Variants in MYOZ2 observed in about 807,000 individuals in gnomAD.
MYOZ2 encodes myozenin 2.
In MYOZ2, 19 loss-of-function variants were observed where a neutral mutation model predicts 25.4. That is an observed-to-expected ratio of 0.75 (90% CI 0.52 to 1.10). The LOEUF is 1.10. Among genes scored for constraint, MYOZ2 ranks in the 50% least tolerant of loss-of-function variants. MYOZ2 has a pLI of 0.00. For missense variants in MYOZ2, 270 were observed against 317.9 expected, an observed-to-expected ratio of 0.85 and a Z score of 1.15; for synonymous variants, 92 against 106.9, an observed-to-expected ratio of 0.86 and a Z score of 0.86.
At chr4:119,172,969 A>C (rs1023708713) in intron 5 of MYOZ2, among the ~76,000 whole-genome samples, 1 of 152,216 alleles carries the variant, frequency 6.6e-6, no homozygotes, top group African/African-American at 2.4e-5. Flanking sequence ...TTAACCTCTT[A>C]TCTTAATTTC....
At chr4:119,169,139 C>T (rs1741895238) in intron 5 of MYOZ2, among the ~76,000 whole-genome samples, 1 of 152,294 alleles carries the variant, frequency 6.6e-6, no homozygotes, top group South Asian at 2.1e-4. Context: ...TGACCATTAG[C>T]ATTTATTAGC....
intron 2 of MYOZ2, among the ~76,000 whole-genome samples, 161 bp downstream of exon 2, chr4:119,136,762 A>G (rs554681481): frequency 3.3e-5 from 5 of 152,242 alleles, no homozygotes; most frequent in African/African-American, 1.2e-4. Flanking sequence ...ATGGTAACTA[A>G]TCCTTTTGTA....
intron 3 of MYOZ2, among the ~76,000 whole-genome samples, chr4:119,155,899 T>C (rs184864289): frequency 1.8e-4 from 27 of 152,112 alleles, no homozygotes; most frequent in Admixed American, 1.6e-3. Context: ...TTTTAAAAAA[T>C]GTCATAGTGA....
chr4:119,164,911 C>T (rs1206867747), intron 5 of MYOZ2, among the ~76,000 whole-genome samples: 1 of 151,944 alleles, frequency 6.6e-6, no homozygotes, highest in Admixed American at 6.6e-5. Flanking sequence ...TCAAAAATAT[C>T]ACCAAATGAT....
intron 4 of MYOZ2, among the ~76,000 whole-genome samples, chr4:119,159,228 G>A (rs774631805): frequency 2.6e-5 from 4 of 152,050 alleles, no homozygotes. Context: ...CCAGGAGCTC[G>A]AGACCAGCCT....
At chr4:119,168,401 C>A (rs1741872462) in intron 5 of MYOZ2, among the ~76,000 whole-genome samples, 1 of 152,122 alleles carries the variant, frequency 6.6e-6, no homozygotes, top group South Asian at 2.1e-4. Flanking sequence ...GAAAGGGATT[C>A]CTCTGATTGA....
chr4:119,147,445 A>G (rs949812884), intron 2 of MYOZ2, among the ~76,000 whole-genome samples: 19 of 152,088 alleles, frequency 1.2e-4, no homozygotes, highest in African/African-American at 4.6e-4. Context: ...AGTATAGAAA[A>G]TTTATCTACT....
chr4:119,157,926 A>G (rs1174254624), intron 3 of MYOZ2, 96 bp from the exon 4 acceptor site: 2 of 1,459,534 alleles, frequency 1.4e-6, no homozygotes, highest in African/African-American at 2.8e-5. Flanking sequence ...TTGCATTTAA[A>G]TTATAAATAT....
intron 2 of MYOZ2, among the ~76,000 whole-genome samples, chr4:119,137,563 C>G (rs1022299298): frequency 3.9e-5 from 6 of 152,120 alleles, no homozygotes; most frequent in Admixed American, 1.3e-4. Context: ...ATTACACCTT[C>G]CATAAAGCAA....
At chr4:119,159,619 T>C (rs896497665) in intron 4 of MYOZ2, among the ~76,000 whole-genome samples, 1 of 152,174 alleles carries the variant, frequency 6.6e-6, no homozygotes, top group Non-Finnish European at 1.5e-5. Context: ...AAAATAGTTA[T>C]ATCTTGAAAC....
At chr4:119,166,025 CTGTGTGTGTGTGCG>C (rs1372056976) in intron 5 of MYOZ2, among the ~76,000 whole-genome samples, 8 of 150,166 alleles carry the variant, frequency 5.3e-5, no homozygotes, top group Non-Finnish European at 1.2e-4. Flanking sequence ...ATATTACATG[CTGTGTGTGTGTGCG>C]TGTGTGTGTG....
intron 2 of MYOZ2, among the ~76,000 whole-genome samples, chr4:119,141,436 G>T (rs577889377): frequency 6.6e-6 from 1 of 152,214 alleles, no homozygotes; most frequent in African/African-American, 2.4e-5. Flanking sequence ...AGGCTGGAGT[G>T]CAGTGGTGCA....
intron 2 of MYOZ2, among the ~76,000 whole-genome samples, chr4:119,147,323 T>A (rs1269172133): frequency 6.6e-6 from 1 of 152,072 alleles, no homozygotes; most frequent in Non-Finnish European, 1.5e-5. Context: ...TTCATTTTGG[T>A]ATAGTGTTTT....
At chr4:119,136,648 G>T (rs1481484263) in intron 2 of MYOZ2, 47 bp downstream of exon 2, 1 of 1,551,232 alleles carries the variant, frequency 6.4e-7, no homozygotes, top group African/African-American at 1.4e-5. Context: ...CAGCATGAAT[G>T]TGGCTCCATC....
chr4:119,180,045 T>C (rs1429444439), intron 5 of MYOZ2, among the ~76,000 whole-genome samples: 1 of 152,254 alleles, frequency 6.6e-6, no homozygotes, highest in Non-Finnish European at 1.5e-5. Flanking sequence ...TAGGCACACA[T>C]TAAATATGTA....
At chr4:119,140,967 A>G (rs1741147987) in intron 2 of MYOZ2, among the ~76,000 whole-genome samples, 1 of 152,256 alleles carries the variant, frequency 6.6e-6, no homozygotes, top group Non-Finnish European at 1.5e-5. Context: ...AGAGATAATT[A>G]TCACAGAACT....
At chr4:119,181,198 A>G (rs1578372025) in intron 5 of MYOZ2, among the ~76,000 whole-genome samples, 5 of 152,284 alleles carry the variant, frequency 3.3e-5, no homozygotes, top group Admixed American at 3.3e-4. Flanking sequence ...AAACATTAAA[A>G]TTCTGACAAG....
chr4:119,140,506 G>C (rs1240365981), intron 2 of MYOZ2, among the ~76,000 whole-genome samples: 2 of 152,124 alleles, frequency 1.3e-5, no homozygotes, highest in African/African-American at 4.8e-5. Context: ...AGCTAGAAAG[G>C]TTTGCATGTT....
chr4:119,174,492 G>T (rs1451715028), intron 5 of MYOZ2, among the ~76,000 whole-genome samples: 1 of 151,912 alleles, frequency 6.6e-6, no homozygotes, highest in Non-Finnish European at 1.5e-5. Context: ...GTTTAGCTTA[G>T]GGTTTGTGAG....
Sources: gnomAD v4.1 joint callset for allele counts (sites outside exome capture counted in the v4.1 genomes callset) on GRCh38, gnomAD v4.1.1 for gene constraint, MANE v1.5 for transcripts, NCBI Gene and HGNC (gene_info 2026-07-23, HGNC 2026-07-21) for gene names.